Variants in PRCP observed in about 807,000 individuals in gnomAD.
PRCP encodes the protein prolylcarboxypeptidase.
In PRCP, 46 loss-of-function variants were observed where a neutral mutation model predicts 54.2. The ratio of observed to expected loss-of-function variants is 0.85; its 90% confidence interval spans 0.67 to 1.09. The LOEUF (loss-of-function observed/expected upper bound fraction) is 1.09. PRCP is among the 50% of genes least tolerant of loss of function. The pLI is 0.00. For synonymous variants in PRCP, 240 were observed against 212.2 expected, an observed-to-expected ratio of 1.13 and a Z score of -1.14; for missense variants, 613 against 596.8, an observed-to-expected ratio of 1.03 and a Z score of -0.28.
In PRCP at chr11:82,825,112, G is replaced by A; in HGVS notation, c.1285C>T (p.Leu429=). 6.2e-7 allele frequency: 1 copy of A among 1,613,392 alleles called. No homozygotes were observed. Among genetic ancestry groups the A allele is most frequent in the Non-Finnish European group, 8.5e-7 (1 of 1,179,702 alleles). The change falls in exon 9 of 9, where the codon CTA becomes TTA. Residue 429 remains leucine, a synonymous_variant. Coordinates refer to ENST00000313010, the MANE Select transcript of PRCP (RefSeq NM_005040.4). ...ACTCCACCTCCTGACCAGGGGTCTA[G>A]TTCACCATTGCTGCAAGTGAAAAAA... ...HTNIVFSNGE[L]DPWSGGGVTK... is the part of the protein sequence containing the mutation.
At chr11:82,873,079 TAAAAA>T (rs397960059) in intron 1 of PRCP, among the ~76,000 whole-genome samples, 3 of 147,578 alleles carry the variant, frequency 2.0e-5, no homozygotes, top group African/African-American at 7.5e-5. Flanking sequence ...TTTTTTTTTT[TAAAAA>T]AAAAGAAAGT....
intron 1 of PRCP, among the ~76,000 whole-genome samples, chr11:82,876,829 G>A (rs1005125584): frequency 6.6e-6 from 1 of 152,160 alleles, no homozygotes. Context: ...TACCAGTAGA[G>A]TGGGGCATTG....
chr11:82,868,607 A>G (rs1017284755), intron 1 of PRCP, among the ~76,000 whole-genome samples: 13 of 151,510 alleles, frequency 8.6e-5, no homozygotes, highest in Non-Finnish European at 1.9e-4. Context: ...TTTTTTTTTC[A>G]GGTACAAAAG....
rs1052319593 is a variant in PRCP at position 82,896,571 on chromosome 11, C to T, written c.168+3664G>A. Among the ~76,000 whole-genome samples the T allele has an allele frequency of 3.3e-5, 5 of 150,518 alleles. No homozygotes were observed. The East Asian group carries it at 9.9e-4, about 30-fold the overall frequency. On this transcript the variant is annotated intron_variant, in intron 1 of 8. Transcript: ENST00000313010. The stretch of plus-strand genomic sequence containing the variant: ...GCGGGCACCTGTAATCCTAGCTACT[C>T]GGGAGGCTAAGGCAGGGGAATCACT...
chr11:82,856,984 G>C (rs1276228511), intron 2 of PRCP, among the ~76,000 whole-genome samples: 1 of 144,674 alleles, frequency 6.9e-6, no homozygotes, highest in East Asian at 2.0e-4. Flanking sequence ...TGCAGTAGCC[G>C]AGATAGCGCC....
chr11:82,853,098 A>G, intron 3 of PRCP, 79 bp downstream of exon 3: 1 of 993,364 alleles, frequency 1.0e-6, no homozygotes, highest in South Asian at 1.8e-5. Flanking sequence ...AAGTTATCTC[A>G]CAGTGGGGCA....
At chr11:82,881,656 G>A (rs942202730) in intron 1 of PRCP, among the ~76,000 whole-genome samples, 3 of 152,132 alleles carry the variant, frequency 2.0e-5, no homozygotes, top group Admixed American at 2.0e-4. Flanking sequence ...GGTACAAACT[G>A]GTAACCCTGG....
chr11:82,859,893 G>T, intron 2 of PRCP, 84 bp downstream of exon 2: 6 of 1,324,600 alleles, frequency 4.5e-6, no homozygotes, highest in South Asian at 1.6e-5. Flanking sequence ...GCAATGTTTG[G>T]TCATACATAT....
At chr11:82,845,814 A>G (rs1296796185) in intron 6 of PRCP, 1 of 152,196 alleles carries the variant, frequency 6.6e-6, no homozygotes, top group African/African-American at 2.4e-5. Context: ...TGCTGACAGA[A>G]CAGTCAAATG....
At chr11:82,893,298 G>T (rs1475579401) in intron 1 of PRCP, among the ~76,000 whole-genome samples, 1 of 152,126 alleles carries the variant, frequency 6.6e-6, no homozygotes, top group Non-Finnish European at 1.5e-5. Context: ...GACAGTAAGG[G>T]TCATACATTT....
chr11:82,854,722 C>T (rs1177201032), intron 2 of PRCP, among the ~76,000 whole-genome samples: 1 of 151,558 alleles, frequency 6.6e-6, no homozygotes, highest in Non-Finnish European at 1.5e-5. Flanking sequence ...CAAAGCAATC[C>T]TAAGCAAGAA....
chr11:82,850,104 G>C (rs549463709), intron 4 of PRCP, 33 bp from the exon 5 acceptor site: 24 of 1,114,810 alleles, frequency 2.2e-5, no homozygotes, highest in Middle Eastern at 3.3e-4. Flanking sequence ...AAAGAAAAAA[G>C]AAAAGAAAAA....
At chr11:82,882,862 C>CAG (rs1859783270) in intron 1 of PRCP, among the ~76,000 whole-genome samples, 2 of 141,378 alleles carry the variant, frequency 1.4e-5, no homozygotes, top group Non-Finnish European at 3.0e-5. Flanking sequence ...GCAACACACA[C>CAG]ACACACACAC....
chr11:82,868,107 G>A (rs1859385058), intron 1 of PRCP, among the ~76,000 whole-genome samples: 1 of 152,062 alleles, frequency 6.6e-6, no homozygotes, highest in Non-Finnish European at 1.5e-5. Flanking sequence ...CAGGATATTG[G>A]TTACCAGTGC....
chr11:82,847,203 A>G (rs1000509350), intron 6 of PRCP, among the ~76,000 whole-genome samples: 2 of 152,260 alleles, frequency 1.3e-5, no homozygotes, highest in Non-Finnish European at 2.9e-5. Context: ...AAGTGAGAAT[A>G]AAGATACAAA....
At position 82,824,995 on chromosome 11, in the gene PRCP, T is replaced by C. The variant is rs561250792; in HGVS notation, c.1402A>G (p.Met468Val). The change falls in exon 9 of 9, where the codon ATG becomes GTG. Residue 468 changes from methionine (M) to valine (V), a missense_variant. Physicochemically the swap from Met to Val is conservative, Grantham distance 21 (BLOSUM62 1). Transcript: ENST00000313010. ...AAGGAGCGGGCTAACAGCACAGACA[T>C]AGGATCCAAGGCATTCTTGGTGCGG... ...DLRTKNALDP[M>V]SVLLARSLEV... is the part of the protein sequence containing the mutation. The C allele has an allele frequency of 1.9e-6, 3 of 1,614,100 alleles. No individual in the cohort carries two copies. The highest frequency in any genetic ancestry group is 1.3e-5 in the African/African-American group (1 of 75,024).
chr11:82,850,890 A>G (rs1176602036), intron 3 of PRCP, among the ~76,000 whole-genome samples: 1 of 152,234 alleles, frequency 6.6e-6, no homozygotes, highest in Non-Finnish European at 1.5e-5. Context: ...CTAGTGGACA[A>G]TTGAGGTAAG....
Position 82,824,824 on chromosome 11 carries a change from T to C in PRCP, c.*82A>G. The C allele has an allele frequency of 1.5e-6, 2 of 1,346,564 alleles. No individual in the cohort carries two copies. The highest frequency in any genetic ancestry group is 2.5e-5 in the East Asian group (1 of 39,962). The allele number at this position is 1,346,564 out of a possible 1,614,324, so 83.4% of individuals were successfully genotyped here. ...AAATCTAATGATAAACAAAAGAAGG[T>C]AATTACATGTAGAAAATCAAAGTGA... On this transcript the variant is annotated 3_prime_UTR_variant, in exon 9 of 9. Coordinates refer to ENST00000313010, the MANE Select transcript of PRCP (RefSeq NM_005040.4).
intron 6 of PRCP, among the ~76,000 whole-genome samples, chr11:82,841,601 A>T (rs1295432923): frequency 6.6e-6 from 1 of 152,214 alleles, no homozygotes; most frequent in Non-Finnish European, 1.5e-5. Context: ...AGAAATTAAG[A>T]TGTTCAAATA....
Sources: gnomAD v4.1 joint callset for allele counts (sites outside exome capture counted in the v4.1 genomes callset) on GRCh38, gnomAD v4.1.1 for gene constraint, MANE v1.5 for transcripts, NCBI Gene and HGNC (gene_info 2026-07-23, HGNC 2026-07-21) for gene names.